C6: variants seen among roughly 807,000 people sequenced by gnomAD.
The protein encoded by C6 is complement component C6.
A neutral mutation model predicts 112.9 loss-of-function variants in C6; 101 were observed. The observed-to-expected ratio is 0.89, with a 90% CI of 0.76 to 1.06. The LOEUF (loss-of-function observed/expected upper bound fraction) is 1.06, where lower values mean the gene tolerates loss of function less well. Among genes scored for constraint, C6 ranks in the 50% least tolerant of loss-of-function variants. C6 has a pLI of 0.00. For synonymous variants in C6, 431 were observed against 384.1 expected (o/e 1.12, Z -1.43); for missense variants, 1,202 against 1,104.6 (o/e 1.09, Z -1.25).
rs1456340090 is a variant in C6 at position 41,172,195 on chromosome 5, G to A, written c.1291+30C>T. 3 of 1,612,484 alleles carry A rather than the reference G, an allele frequency of 1.9e-6. No individual in the cohort carries two copies. The East Asian group carries it at 6.7e-5, about 36-fold the overall frequency. On this transcript the variant is annotated intron_variant, in intron 9 of 17. Transcript: ENST00000337836. ...ATGACAGCCAGGCTCAGGGCACACT[G>A]GATAAGCTGCTAAGAGAGAGTACTG...
chr5:41,213,127 T>C (rs1752049154), intron 1 of C6: 1 of 152,694 alleles, frequency 6.5e-6, no homozygotes, highest in Non-Finnish European at 1.5e-5. Context: ...AGAGTATGTT[T>C]GCTTTACTTT....
intron 1 of C6, among the ~76,000 whole-genome samples, chr5:41,244,371 T>A (rs1227767969): frequency 6.6e-6 from 1 of 152,166 alleles, no homozygotes; most frequent in African/African-American, 2.4e-5. Flanking sequence ...ATCTTTATGG[T>A]TGGTAGGTGT....
chr5:41,242,226 A>C (rs1464436351), intron 1 of C6, among the ~76,000 whole-genome samples: 3 of 152,078 alleles, frequency 2.0e-5, no homozygotes, highest in Admixed American at 2.0e-4. Context: ...GGGTAGAGGT[A>C]ATTGGTTCAT....
intron 7 of C6, among the ~76,000 whole-genome samples, chr5:41,178,263 C>T (rs771765394): frequency 2.6e-5 from 4 of 151,950 alleles, no homozygotes; most frequent in Non-Finnish European, 5.9e-5. Flanking sequence ...AAATACTGAA[C>T]CTGACTGAGT....
chr5:41,220,346 G>A (rs2962282), intron 1 of C6, among the ~76,000 whole-genome samples: 26,564 of 152,072 alleles, frequency 0.17, 2,792 homozygotes, highest in South Asian at 0.35. Flanking sequence ...TCAAATTAAT[G>A]CAACAAATAA....
chr5:41,259,864 G>A (rs763222132), intron 1 of C6, among the ~76,000 whole-genome samples: 11 of 152,130 alleles, frequency 7.2e-5, no homozygotes, highest in South Asian at 2.1e-4. Context: ...ATTATGATGC[G>A]TCAGTTCTTC....
chr5:41,144,645 T>C (rs1054472197), intron 17 of C6, among the ~76,000 whole-genome samples: 1 of 152,300 alleles, frequency 6.6e-6, no homozygotes, highest in African/African-American at 2.4e-5. Context: ...TATAGGTAAA[T>C]TGAATCCATA....
At chr5:41,224,617 T>A (rs1389278769) in intron 1 of C6, among the ~76,000 whole-genome samples, 1 of 152,152 alleles carries the variant, frequency 6.6e-6, no homozygotes. Flanking sequence ...CTCTGTTGCA[T>A]GGGTATACTA....
At chr5:41,204,659 C>CTTTTTTTTTTTTTTTTT (rs56809256) in intron 1 of C6, among the ~76,000 whole-genome samples, 1 of 133,330 alleles carries the variant, frequency 7.5e-6, no homozygotes, top group African/African-American at 2.9e-5. Context: ...AATCAGTAAG[C>CTTTTTTTTTTTTTTTTT]TTTTTTTTTT....
rs200375246 is a variant in C6, at chr5:41,159,171, G to A, written c.1767C>T (p.Cys589=). The stretch of plus-strand genomic sequence containing the variant: ...CTCCTCGTTGGGGGGCAGGATTATT[G>A]CATTCTCGGGTTCTCGATCTCTTAT... ...ATYKRSRTRE[C]NNPAPQRGGK... The change falls in exon 12 of 18, where the codon TGC becomes TGT. Residue 589 remains cysteine, a synonymous_variant. Transcript: ENST00000337836. 2 of 1,613,526 alleles carry A rather than the reference G, an allele frequency of 1.2e-6. No individual in the cohort carries two copies. The highest frequency in any genetic ancestry group is 2.2e-5 in the South Asian group (2 of 91,060).
chr5:41,173,127 TG>T (rs1748566547), intron 8 of C6, among the ~76,000 whole-genome samples: 1 of 152,166 alleles, frequency 6.6e-6, no homozygotes, highest in African/African-American at 2.4e-5. Context: ...CATTCATGTA[TG>T]GGAATTGGGA....
At chr5:41,168,423 A>G (rs960833538) in intron 9 of C6, among the ~76,000 whole-genome samples, 1 of 152,122 alleles carries the variant, frequency 6.6e-6, no homozygotes, top group Non-Finnish European at 1.5e-5. Context: ...ATATTATGAG[A>G]GTGTTTTGAG....
Position 41,162,274 on chromosome 5 carries a change from G to A in C6, c.1292-415C>T, listed in dbSNP as rs567639347. Among the ~76,000 whole-genome samples, 186 of 152,198 alleles carry A rather than the reference G, an allele frequency of 1.2e-3. 1 individual carries two copies. The highest frequency in any genetic ancestry group is 4.0e-3 in the African/African-American group (168 of 41,556). On this transcript the variant is annotated intron_variant, in intron 9 of 17. Transcript: ENST00000337836. Reference sequence around the variant, plus strand: ...TGCCCCTTACTCTTTAATGTCAACCGCCCTGCTTCTGATTTATGTTAGCAT... The same window carrying A: ...TGCCCCTTACTCTTTAATGTCAACCACCCTGCTTCTGATTTATGTTAGCAT...
chr5:41,214,636 G>T (rs1388308731), upstream of C6, among the ~76,000 whole-genome samples: 2 of 152,146 alleles, frequency 1.3e-5, no homozygotes, highest in African/African-American at 4.8e-5. Context: ...GATTACCTGA[G>T]AAGATAAACA....
chr5:41,240,762 G>A (rs1276228747), intron 1 of C6, among the ~76,000 whole-genome samples: 1 of 152,144 alleles, frequency 6.6e-6, no homozygotes, highest in Non-Finnish European at 1.5e-5. Context: ...CATGTGCCCA[G>A]AGTGACCGAT....
intron 1 of C6, among the ~76,000 whole-genome samples, chr5:41,243,177 T>C (rs1740832159): frequency 6.6e-6 from 1 of 152,230 alleles, no homozygotes; most frequent in Non-Finnish European, 1.5e-5. Flanking sequence ...AAGTTAACTA[T>C]TTGAGATGAT....
upstream of C6, among the ~76,000 whole-genome samples, chr5:41,215,675 A>G (rs1752173983): frequency 1.3e-5 from 2 of 152,140 alleles, no homozygotes; most frequent in Non-Finnish European, 2.9e-5. Context: ...TTGTAAAAAA[A>G]CAGAAGGGTG....
In C6 at chr5:41,142,714, C is replaced by T. The variant is rs1050084418; in HGVS notation, c.*111G>A. 1 of 851,732 alleles carries T rather than the reference C, an allele frequency of 1.2e-6. No homozygotes were observed. The highest frequency in any genetic ancestry group is 1.8e-5 in the Admixed American group (1 of 55,642). The allele number at this position is 851,732 out of a possible 1,614,324, so 52.8% of individuals were successfully genotyped here. On this transcript the variant is annotated 3_prime_UTR_variant, in exon 18 of 18. Coordinates refer to ENST00000337836, the MANE Select transcript of C6 (RefSeq NM_000065.5). Reference sequence around the variant, plus strand: ...CAAACTAACAGAAAATAATTTTTGTCAGTAACTTTGAGCATGCCAGTCTGC... The same window carrying T: ...CAAACTAACAGAAAATAATTTTTGTTAGTAACTTTGAGCATGCCAGTCTGC...
At chr5:41,168,112 G>A (rs1443504336) in intron 9 of C6, among the ~76,000 whole-genome samples, 2 of 152,116 alleles carry the variant, frequency 1.3e-5, no homozygotes, top group African/African-American at 4.8e-5. Context: ...CTCAATAGCT[G>A]CCAAAACTAC....
Sources: gnomAD v4.1 joint callset for allele counts (sites outside exome capture counted in the v4.1 genomes callset) on GRCh38, gnomAD v4.1.1 for gene constraint, MANE v1.5 for transcripts, NCBI Gene and HGNC (gene_info 2026-07-23, HGNC 2026-07-21) for gene names.